The following ZNF804B variants were observed in gnomAD, a reference collection of about 807,000 sequenced individuals.
The protein encoded by ZNF804B is zinc finger 804B.
A neutral mutation model predicts 101.4 loss-of-function variants in ZNF804B; 80 were observed. The ratio of observed to expected loss-of-function variants is 0.79; its 90% CI spans 0.66 to 0.95. ZNF804B has a LOEUF of 0.95. Ranked by LOEUF, ZNF804B falls within the 40% of genes least tolerant of loss-of-function variation. ZNF804B has a pLI of 0.00. For synonymous variants in ZNF804B, 622 were observed against 558.8 expected (o/e 1.11, Z -1.59); for missense variants, 1,673 against 1,561.9 (o/e 1.07, Z -1.20).
At chr7:89,083,241 C>T (rs1447688969) in intron 1 of ZNF804B, among the ~76,000 whole-genome samples, 2 of 151,752 alleles carry the variant, frequency 1.3e-5, no homozygotes, top group African/African-American at 4.8e-5. Context: ...TCTATTTTTA[C>T]ACACACATAC....
At chr7:88,760,244 A>G (rs1037035932) in intron 1 of ZNF804B, among the ~76,000 whole-genome samples, 160 bp downstream of exon 1, 2 of 152,212 alleles carry the variant, frequency 1.3e-5, no homozygotes, top group African/African-American at 2.4e-5. Context: ...CGTTTATACA[A>G]TTTATTGACA....
At chr7:88,960,410 G>T (rs974319587) in intron 1 of ZNF804B, among the ~76,000 whole-genome samples, 1 of 151,282 alleles carries the variant, frequency 6.6e-6, no homozygotes, top group Non-Finnish European at 1.5e-5. Context: ...AAATGTGTAT[G>T]TGCGGGAGTG....
chr7:88,839,927 T>A (rs1319327526), intron 1 of ZNF804B, among the ~76,000 whole-genome samples: 1 of 152,168 alleles, frequency 6.6e-6, no homozygotes, highest in African/African-American at 2.4e-5. Context: ...TAACTGGGAC[T>A]ATTTTTAGTT....
chr7:88,965,512 G>A (rs1375206064), intron 1 of ZNF804B, among the ~76,000 whole-genome samples: 1 of 151,380 alleles, frequency 6.6e-6, no homozygotes, highest in Non-Finnish European at 1.5e-5. Flanking sequence ...CCTTATGTGA[G>A]GATTGCCATT....
chr7:88,917,206 A>G (rs1314202746), intron 1 of ZNF804B, among the ~76,000 whole-genome samples: 4 of 152,076 alleles, frequency 2.6e-5, no homozygotes, highest in Non-Finnish European at 5.9e-5. Context: ...CGGAGGTTGC[A>G]GTGAGCCGAG....
chr7:88,959,652 A>G (rs1326163115), intron 1 of ZNF804B, among the ~76,000 whole-genome samples: 3 of 151,316 alleles, frequency 2.0e-5, no homozygotes, highest in Non-Finnish European at 4.4e-5. Context: ...CTTCCCTCAT[A>G]GATTTATAAC....
chr7:88,845,112 A>G (rs1791349153), intron 1 of ZNF804B, among the ~76,000 whole-genome samples: 1 of 152,208 alleles, frequency 6.6e-6, no homozygotes, highest in South Asian at 2.1e-4. Flanking sequence ...TTAATAAGGC[A>G]AGGGGTGGTT....
intron 1 of ZNF804B, among the ~76,000 whole-genome samples, chr7:88,877,043 ATATATATTTTTTTTTTTTT>A (rs1791960762): frequency 2.4e-5 from 1 of 41,812 alleles, no homozygotes; most frequent in African/African-American, 1.3e-4. Flanking sequence ...ATATATATAT[ATATATATTTTTTTTTTTTT>A]TTTTTTTTTT....
intron 1 of ZNF804B, among the ~76,000 whole-genome samples, chr7:89,092,362 C>T (rs75288188): frequency 2.9e-3 from 438 of 148,768 alleles, no homozygotes; most frequent in Non-Finnish European, 4.1e-3. Flanking sequence ...TGGACACTTA[C>T]GTTATACTTT....
chr7:88,986,710 G>A (rs1793764144), intron 1 of ZNF804B, among the ~76,000 whole-genome samples: 1 of 152,050 alleles, frequency 6.6e-6, no homozygotes, highest in African/African-American at 2.4e-5. Context: ...ATTCACCAGA[G>A]ATATAAATCT....
chr7:89,257,477 C>G (rs1337445455), intron 2 of ZNF804B, among the ~76,000 whole-genome samples: 2 of 151,998 alleles, frequency 1.3e-5, no homozygotes, highest in African/African-American at 2.4e-5. Flanking sequence ...ATGCCCAGAT[C>G]ATGTTGTATT....
chr7:89,180,827 T>A (rs1284243229), intron 1 of ZNF804B, among the ~76,000 whole-genome samples: 5 of 148,846 alleles, frequency 3.4e-5, no homozygotes, highest in African/African-American at 5.0e-5. Flanking sequence ...CACCAAGACT[T>A]GCCCAGGAAT....
chr7:89,261,752 A>G (rs1789715270), intron 2 of ZNF804B, among the ~76,000 whole-genome samples: 1 of 152,198 alleles, frequency 6.6e-6, no homozygotes, highest in South Asian at 2.1e-4. Flanking sequence ...GTATTTGTGT[A>G]TCTAAACATA....
chr7:89,070,067 G>A (rs1346106411), intron 1 of ZNF804B, among the ~76,000 whole-genome samples: 1 of 152,146 alleles, frequency 6.6e-6, no homozygotes, highest in African/African-American at 2.4e-5. Flanking sequence ...TACTGCCAAA[G>A]TGTGTTTTCA....
chr7:89,042,588 T>A (rs1053839226), intron 1 of ZNF804B, among the ~76,000 whole-genome samples: 6 of 152,186 alleles, frequency 3.9e-5, no homozygotes, highest in Non-Finnish European at 8.8e-5. Context: ...TTATAACCTT[T>A]CTGAATAGAT....
At chr7:89,154,511 A>G (rs1177485320) in intron 1 of ZNF804B, among the ~76,000 whole-genome samples, 1 of 152,168 alleles carries the variant, frequency 6.6e-6, no homozygotes, top group African/African-American at 2.4e-5. Context: ...CTTACACACA[A>G]TGGAGTACTA....
intron 1 of ZNF804B, among the ~76,000 whole-genome samples, chr7:88,854,398 T>TTCCTTCCTTC (rs1562812501): frequency 1.5e-5 from 2 of 134,878 alleles, no homozygotes; most frequent in African/African-American, 6.2e-5. Context: ...TTTCTTTCTT[T>TTCCTTCCTTC]CTTTCTTTCT....
chr7:89,195,995 T>C (rs533178969), intron 1 of ZNF804B, among the ~76,000 whole-genome samples: 1 of 152,072 alleles, frequency 6.6e-6, no homozygotes, highest in Admixed American at 6.6e-5. Context: ...AATTTATAGA[T>C]TTGAAGCTAT....
intron 1 of ZNF804B, among the ~76,000 whole-genome samples, chr7:89,136,022 A>C (rs2116386244): frequency 6.6e-6 from 1 of 152,300 alleles, no homozygotes; most frequent in African/African-American, 2.4e-5. Context: ...AAAATATTTC[A>C]AAATTTATAA....
Sources: gnomAD v4.1 joint callset for allele counts (sites outside exome capture counted in the v4.1 genomes callset) on GRCh38, gnomAD v4.1.1 for gene constraint, MANE v1.5 for transcripts, NCBI Gene and HGNC (gene_info 2026-07-23, HGNC 2026-07-21) for gene names.